Variants in NID1 observed in about 807,000 individuals in gnomAD.
NID1 encodes the protein nidogen-1.
In NID1, 76 loss-of-function variants were observed where a neutral mutation model predicts 130.6. The ratio of observed to expected loss-of-function variants is 0.58; its 90% CI spans 0.48 to 0.70. NID1 has a LOEUF of 0.70. Ranked by LOEUF, NID1 falls within the 30% of genes least tolerant of loss-of-function variation. NID1 has a pLI of 0.00. For missense variants in NID1, 1,517 were observed against 1,664.8 expected, an observed-to-expected ratio of 0.91 and a Z score of 1.54; for synonymous variants, 665 against 675.1, an observed-to-expected ratio of 0.98 and a Z score of 0.23.
At chr1:236,016,305 G>A (rs370905527) in intron 10 of NID1, among the ~76,000 whole-genome samples, 1 of 152,038 alleles carries the variant, frequency 6.6e-6, no homozygotes, top group Non-Finnish European at 1.5e-5. Context: ...CTCACCCCAC[G>A]ACCTTGGCAG....
chr1:235,997,370 C>T (rs995138115), intron 12 of NID1, among the ~76,000 whole-genome samples: 2 of 152,116 alleles, frequency 1.3e-5, no homozygotes, highest in Non-Finnish European at 2.9e-5. Flanking sequence ...AACAGTGGGC[C>T]AGATTTGGCC....
intron 5 of NID1, among the ~76,000 whole-genome samples, chr1:236,036,411 A>G (rs1222393144): frequency 6.6e-6 from 1 of 152,224 alleles, no homozygotes; most frequent in East Asian, 1.9e-4. Context: ...AATGATAACG[A>G]ATTTAATTAT....
chr1:236,038,606 A>G (rs1659331453), intron 4 of NID1, among the ~76,000 whole-genome samples: 1 of 151,664 alleles, frequency 6.6e-6, no homozygotes, highest in African/African-American at 2.4e-5. Flanking sequence ...CATCCAAACT[A>G]GTGAGAACAA....
intron 5 of NID1, among the ~76,000 whole-genome samples, chr1:236,037,101 C>A (rs917837559): frequency 2.0e-5 from 3 of 152,202 alleles, no homozygotes; most frequent in Non-Finnish European, 4.4e-5. Flanking sequence ...AAGGATTCTC[C>A]TGACCATCTG....
At chr1:236,003,834 C>T (rs1286076409) in intron 12 of NID1, among the ~76,000 whole-genome samples, 1 of 152,098 alleles carries the variant, frequency 6.6e-6, no homozygotes, top group Non-Finnish European at 1.5e-5. Flanking sequence ...GCAGCCACTG[C>T]ACTCCAGCCT....
chr1:236,039,184 T>C (rs112494534), intron 4 of NID1, among the ~76,000 whole-genome samples: 46 of 146,166 alleles, frequency 3.1e-4, no homozygotes, highest in African/African-American at 8.4e-4. Context: ...ATTTATATGT[T>C]ATATAATAAT....
chr1:235,991,915 C>T (rs371566134), intron 13 of NID1, among the ~76,000 whole-genome samples: 12 of 152,324 alleles, frequency 7.9e-5, no homozygotes, highest in African/African-American at 1.4e-4. Flanking sequence ...AAGAACATGA[C>T]GTTTATGGGC....
At position 235,977,958 on chromosome 1, in the gene NID1, C is replaced by T; in HGVS notation, c.3653G>A (p.Gly1218Asp). 6.2e-7 allele frequency: 1 copy of T among 1,614,122 alleles called. No homozygotes were observed. ...GGTGGCCAAGCATAGGTGGGTGCAG[C>T]CGCCATTGTTCACTGAGCAGTAGTT... The part of the protein sequence containing the change: ...GHNYCSVNNG[G>D]CTHLCLATPG... Residue 1218 changes from glycine to aspartate, a missense_variant, in exon 20 of 20, where the codon GGC becomes GAC. Gly to Asp is a moderately conservative substitution (Grantham distance 94, BLOSUM62 -1). Transcript: ENST00000264187.
intron 5 of NID1, among the ~76,000 whole-genome samples, chr1:236,037,776 C>A (rs1186321888): frequency 6.6e-6 from 1 of 152,166 alleles, no homozygotes; most frequent in Non-Finnish European, 1.5e-5. Context: ...ATAAACAATT[C>A]TTTGTCCAGG....
At chr1:236,018,841 A>G (rs1330247437) in intron 9 of NID1, among the ~76,000 whole-genome samples, 3 of 152,134 alleles carry the variant, frequency 2.0e-5, no homozygotes, top group East Asian at 3.8e-4. Context: ...TCTCTTCCCC[A>G]GCGCTTTCAT....
At position 235,981,989 on chromosome 1, in the gene NID1, A is replaced by G. The variant is rs715957; in HGVS notation, c.3056-207T>C. On this transcript the variant is annotated intron_variant, in intron 15 of 19. Transcript: ENST00000264187. ...AATGCCATTTACTCACTCTGTGGGT[A>G]TCCATCATGCTGCACGTTGGGAACC... Among the ~76,000 whole-genome samples the G allele has an allele frequency of 0.24, 36,418 of 152,150 alleles. 5,215 individuals are homozygous for G. The highest frequency in any genetic ancestry group is 0.62 in the East Asian group (3,231 of 5,174).
chr1:236,031,526 C>A (rs1033374565), intron 6 of NID1, among the ~76,000 whole-genome samples: 1 of 152,224 alleles, frequency 6.6e-6, no homozygotes, highest in African/African-American at 2.4e-5. Flanking sequence ...TGGATGGAGA[C>A]CCTGCTTCCA....
In NID1 at chr1:236,042,102, A is replaced by G. The variant is rs747801519; in HGVS notation, c.943T>C (p.Tyr315His). Residue 315 changes from tyrosine (Y) to histidine (H), a missense_variant, in exon 4 of 20, where the codon TAC becomes CAC. Physicochemically the swap from Tyr to His is moderately conservative, Grantham distance 83. Coordinates refer to ENST00000264187, the MANE Select transcript of NID1 (RefSeq NM_002508.3). The stretch of plus-strand genomic sequence containing the variant: ...GCACCTCCCCTTCTCAGAGCCTTGT[A>G]GGAGAAGGGCGTGGTGCCCACATCC... ...LEDVGTTPFS[Y>H]KALRRGGADT... The G allele has an allele frequency of 1.9e-6, 3 of 1,614,158 alleles. No homozygotes were observed. Among genetic ancestry groups the G allele is most frequent in the Non-Finnish European group, 2.5e-6 (3 of 1,180,040 alleles).
intron 1 of NID1, among the ~76,000 whole-genome samples, chr1:236,055,306 A>AAT (rs1659867830): frequency 3.3e-5 from 5 of 151,290 alleles, no homozygotes; most frequent in East Asian, 2.0e-4. Flanking sequence ...TCCATCTCAA[A>AAT]AATAATAATA....
Position 236,032,695 on chromosome 1 carries a change from G to T in NID1, c.1286-43C>A, listed in dbSNP as rs1357197945. 4 of 1,604,448 alleles carry T rather than the reference G, an allele frequency of 2.5e-6. No homozygotes were observed. In the African/African-American group the frequency reaches 5.4e-5, roughly 22 times the overall value. ...GAAAGAATATAGAGATCACTTCCAA[G>T]CCAGTCTTTCAAACACGAGTAATAT... On this transcript the variant is annotated intron_variant, in intron 5 of 19. Coordinates refer to ENST00000264187, the MANE Select transcript of NID1 (RefSeq NM_002508.3).
At chr1:235,997,601 CTT>C (rs11325487) in intron 12 of NID1, among the ~76,000 whole-genome samples, 109 of 127,546 alleles carry the variant, frequency 8.5e-4, no homozygotes, top group East Asian at 2.3e-3. Flanking sequence ...AGTTCCATTA[CTT>C]TTTTTTTTTT....
rs756402815 is a variant in NID1 at position 235,979,982 on chromosome 1, C to A, written c.3386-37G>T. 2 of 1,606,122 alleles carry A rather than the reference C, an allele frequency of 1.2e-6. No homozygotes were observed. The highest frequency in any genetic ancestry group is 1.4e-5 in the African/African-American group (1 of 73,156). ...GGAAACAATTCATTCATTGTTCACA[C>A]AAGAAATGGCCCCTTTGTGCAAAAA... On this transcript the variant is annotated intron_variant, in intron 17 of 19. Transcript: ENST00000264187. This position sits in a 1 kb window ranked among gnomAD's most constrained non-coding sequence, Gnocchi z 4.6.
chr1:236,058,505 A>G (rs555700209), intron 1 of NID1, among the ~76,000 whole-genome samples: 2 of 152,366 alleles, frequency 1.3e-5, no homozygotes, highest in East Asian at 3.9e-4. Context: ...CCAACTGACA[A>G]GAAGGGGATG....
At chr1:236,026,660 C>G (rs982192001) in intron 7 of NID1, among the ~76,000 whole-genome samples, 1 of 152,078 alleles carries the variant, frequency 6.6e-6, no homozygotes, top group African/African-American at 2.4e-5. Flanking sequence ...ATTTACTGAG[C>G]ATTTACTCTG....
Sources: gnomAD v4.1 joint callset for allele counts (sites outside exome capture counted in the v4.1 genomes callset) on GRCh38, gnomAD v4.1.1 for gene constraint, Gnocchi (gnomAD v3.1) non-coding constraint, MANE v1.5 for transcripts, NCBI Gene and HGNC (gene_info 2026-07-23, HGNC 2026-07-21) for gene names.